The following DHX34 variants were observed in gnomAD, a reference collection of about 807,000 sequenced individuals.
The protein encoded by DHX34 is probable ATP-dependent RNA helicase DHX34.
Under a neutral mutation model 111.1 loss-of-function variants are expected in DHX34, and 96 were observed. The ratio of observed to expected loss-of-function variants is 0.86; its 90% CI spans 0.73 to 1.02. DHX34 has a LOEUF of 1.02. Ranked by LOEUF, DHX34 falls within the 50% of genes least tolerant of loss-of-function variation. The pLI is 0.00. For synonymous variants in DHX34, 688 were observed against 670.4 expected, an observed-to-expected ratio of 1.03 and a Z score of -0.41; for missense variants, 1,560 against 1,579.9, an observed-to-expected ratio of 0.99 and a Z score of 0.21.
chr19:47,376,067 C>T lies in DHX34; in HGVS notation c.2451C>T (p.Ala817=), dbSNP rs776708132. 8 of 1,574,904 alleles carry T rather than the reference C, an allele frequency of 5.1e-6. No homozygotes were observed. Among genetic ancestry groups the T allele is most frequent in the Non-Finnish European group, 5.2e-6 (6 of 1,163,448 alleles). ...ACCCACAGCTGGCCGTCCCCGACGC[C>T]TTCAACAGCAGCCGAAAGGACTCAG... ...GLYPQLAVPD[A]FNSSRKDSDQ... The change falls in exon 11 of 17, where the codon GCC becomes GCT. Residue 817 remains alanine, a synonymous_variant. Coordinates refer to ENST00000328771, the MANE Select transcript of DHX34 (RefSeq NM_014681.6).
chr19:47,361,765 T>TC (rs1294892760), intron 5 of DHX34, among the ~76,000 whole-genome samples: 1 of 151,658 alleles, frequency 6.6e-6, no homozygotes, highest in East Asian at 1.9e-4. Flanking sequence ...AGAGTGAAAC[T>TC]CCATCTCAAA....
In DHX34 at chr19:47,376,499, T is replaced by C. The variant is rs775871256; in HGVS notation, c.2538T>C (p.Ala846=). 6.9e-6 allele frequency: 11 copies of C among 1,604,970 alleles called. No individual in the cohort carries two copies. The highest frequency in any genetic ancestry group is 8.5e-6 in the Non-Finnish European group (10 of 1,176,278). ...TGCTGCACCCCACCTGCGTCTTCGC[T>C]GGCAGCCCCGAGGTGCTGCACGCAC... is the stretch of plus-strand genomic sequence containing the variant. ...GAVLHPTCVF[A]GSPEVLHAQE... Residue 846 remains alanine, a synonymous_variant, in exon 12 of 17, where the codon GCT becomes GCC. Coordinates refer to ENST00000328771, the MANE Select transcript of DHX34 (RefSeq NM_014681.6).
intron 11 of DHX34, 154 bp downstream of exon 11, chr19:47,376,251 C>T: frequency 1.4e-6 from 2 of 1,430,504 alleles, no homozygotes; most frequent in South Asian, 1.4e-5. Context: ...CATCCCCAGA[C>T]AACCCAGAGT....
At position 47,362,413 on chromosome 19, in the gene DHX34, G is replaced by A. The variant is rs151026907; in HGVS notation, c.1376-63G>A. 4.2e-5 allele frequency: 61 copies of A among 1,436,908 alleles called. No individual in the cohort carries two copies. The African/African-American group carries it at 7.4e-4, about 18-fold the overall frequency. 89.0% of individuals were successfully genotyped at this position (1,436,908 alleles called of 1,614,324 possible). A position where few individuals can be genotyped will look rare whatever the true frequency, so the allele number is the denominator to read the frequency against. On this transcript the variant is annotated intron_variant, in intron 5 of 16. Transcript: ENST00000328771. Reference sequence around the variant, plus strand: ...GGTGTTGGCGAGTGACAAGAGCCAGGCGCGTGGCCAGCTGCACGTGGCTGC... The same window carrying A: ...GGTGTTGGCGAGTGACAAGAGCCAGACGCGTGGCCAGCTGCACGTGGCTGC...
intron 4 of DHX34, among the ~76,000 whole-genome samples, chr19:47,358,505 G>A (rs1201673637): frequency 6.6e-6 from 1 of 151,704 alleles, no homozygotes; most frequent in Non-Finnish European, 1.5e-5. Flanking sequence ...CCAGGCTGGA[G>A]TGCAGTGGCA....
At chr19:47,376,137 A>G (rs768600068) in intron 11 of DHX34, 40 bp downstream of exon 11, 57 of 1,522,186 alleles carry the variant, frequency 3.7e-5, no homozygotes, top group Non-Finnish European at 7.9e-6. Context: ...TTGTCCTCCA[A>G]CACACGAACC....
At chr19:47,354,222 C>A (rs1208723782) in intron 2 of DHX34, among the ~76,000 whole-genome samples, 1 of 152,180 alleles carries the variant, frequency 6.6e-6, no homozygotes, top group African/African-American at 2.4e-5. Context: ...TTCGGCCTCC[C>A]AAAGTTTTGG....
chr19:47,353,616 C>A lies in DHX34; in HGVS notation c.586C>A (p.Pro196Thr). ...CGGCTGTGGCAAGTCCACTCAGGTG[C>A]CCCAGTACCTGCTGGCTGCTGGCTT... Reference protein sequence around the residue: ...DTGCGKSTQVPQYLLAAGFSH... With the variant: ...DTGCGKSTQVTQYLLAAGFSH... The change falls in exon 2 of 17, where the codon CCC becomes ACC. Residue 196 changes from proline to threonine, a missense_variant. By Grantham distance (38) the Pro-to-Thr change is conservative. Coordinates refer to ENST00000328771, the MANE Select transcript of DHX34 (RefSeq NM_014681.6). This position sits in a 1 kb window ranked among gnomAD's most constrained non-coding sequence, Gnocchi z 4.6. 15 of 1,613,222 alleles carry A rather than the reference C, an allele frequency of 9.3e-6. No homozygotes were observed. Among genetic ancestry groups the A allele is most frequent in the Non-Finnish European group, 1.3e-5 (15 of 1,179,974 alleles).
rs760398144 is a variant in DHX34 at position 47,375,715 on chromosome 19, G to T, written c.2307+7G>T. On this transcript the variant is annotated splice_region_variant and intron_variant, in intron 10 of 16. Coordinates refer to ENST00000328771, the MANE Select transcript of DHX34 (RefSeq NM_014681.6). Reference sequence around the variant, plus strand: ...TGATGGCGTGGACATCCAGGTGGGCGCCATGGGCTGTGGGGTGTGGGGGTT... The same window carrying T: ...TGATGGCGTGGACATCCAGGTGGGCTCCATGGGCTGTGGGGTGTGGGGGTT... 6.4e-7 allele frequency: 1 copy of T among 1,561,552 alleles called. No individual in the cohort carries two copies.
At position 47,352,882 on chromosome 19, in the gene DHX34, TG is replaced by T. The variant is rs1225680755; in HGVS notation, c.-148del. On this transcript the variant is annotated 5_prime_UTR_variant, in exon 2 of 17. The change abolishes the stop of an existing upstream ORF in the 5' untranslated region. Transcript: ENST00000328771. ...CACTTTATCATCTGTGGTGGTCCTG[TG>T]CCGTGACCAGGAGGAAAAATTAGCT... 2 of 1,426,084 alleles carry T rather than the reference TG, an allele frequency of 1.4e-6. No homozygotes were observed. The highest frequency in any genetic ancestry group is 2.9e-5 in the African/African-American group (2 of 69,450). 88.3% of individuals were successfully genotyped at this position (1,426,084 alleles called of 1,614,324 possible).
At chr19:47,369,747 G>T (rs2122300698) in intron 7 of DHX34, among the ~76,000 whole-genome samples, 1 of 152,252 alleles carries the variant, frequency 6.6e-6, no homozygotes, top group Admixed American at 6.5e-5. Context: ...TGTCCCTCTG[G>T]CCCTGGGTCA....
chr19:47,356,987 T>C (rs1367692291), intron 3 of DHX34, among the ~76,000 whole-genome samples: 2 of 151,950 alleles, frequency 1.3e-5, no homozygotes, highest in Non-Finnish European at 2.9e-5. Flanking sequence ...AGGGTTTTTG[T>C]TTTTTGTTTT....
chr19:47,373,772 C>T (rs1970046558), intron 9 of DHX34, 72 bp downstream of exon 9: 1 of 1,532,664 alleles, frequency 6.5e-7, no homozygotes, highest in African/African-American at 1.4e-5. Flanking sequence ...CAGAACACTG[C>T]TTCCCCTTCC....
At position 47,382,080 on chromosome 19, in the gene DHX34, A is replaced by G. The variant is rs1408333408; in HGVS notation, c.3399A>G (p.Thr1133=). 1 of 1,614,074 alleles carries G rather than the reference A, an allele frequency of 6.2e-7. No homozygotes were observed. Among genetic ancestry groups the G allele is most frequent in the Non-Finnish European group, 8.5e-7 (1 of 1,180,006 alleles). The part of the protein sequence containing the change: ...ACGKDFLFTP[T]EVLRHRKQHV Reference sequence around the variant, plus strand: ...GGAAGGACTTCCTCTTTACACCCACAGAGGTGCTGCGCCACCGGAAGCAGC... The same window carrying G: ...GGAAGGACTTCCTCTTTACACCCACGGAGGTGCTGCGCCACCGGAAGCAGC... The change falls in exon 17 of 17, where the codon ACA becomes ACG. Residue 1133 remains threonine, a synonymous_variant. Coordinates refer to ENST00000328771, the MANE Select transcript of DHX34 (RefSeq NM_014681.6).
chr19:47,364,514 G>A (rs1969732052), intron 6 of DHX34, among the ~76,000 whole-genome samples: 2 of 152,142 alleles, frequency 1.3e-5, no homozygotes, highest in South Asian at 4.1e-4. Context: ...GGCTGAGGCA[G>A]GAGGATTGCT....
chr19:47,381,207 G>T lies in DHX34; in HGVS notation c.3181G>T (p.Asp1061Tyr), dbSNP rs1235056181. Residue 1061 changes from aspartate to tyrosine, a missense_variant, in exon 16 of 17, where the codon GAC becomes TAC. Coordinates refer to ENST00000328771, the MANE Select transcript of DHX34 (RefSeq NM_014681.6). Reference protein sequence around the residue: ...CLTNDTDLYSDCLRTFWTCPH... With the variant: ...CLTNDTDLYSYCLRTFWTCPH... Reference sequence around the variant, plus strand: ...ACAGAATGACACAGACCTGTACAGCGACTGTCTCCGAACCTTCTGGACCTG... The same window carrying T: ...ACAGAATGACACAGACCTGTACAGCTACTGTCTCCGAACCTTCTGGACCTG... The T allele has an allele frequency of 6.2e-7, 1 of 1,614,028 alleles. No homozygotes were observed. The highest frequency in any genetic ancestry group is 8.5e-7 in the Non-Finnish European group (1 of 1,179,906).
Position 47,360,045 on chromosome 19 carries a change from C to T in DHX34, c.1350C>T (p.Asp450=), listed in dbSNP as rs369222398. 28 of 1,613,876 alleles carry T rather than the reference C, an allele frequency of 1.7e-5. No individual in the cohort carries two copies. Among genetic ancestry groups the T allele is most frequent in the Middle Eastern group, 1.6e-4 (1 of 6,084 alleles). Residue 450 remains aspartate, a synonymous_variant, in exon 5 of 17, where the codon GAC becomes GAT. Coordinates refer to ENST00000328771, the MANE Select transcript of DHX34 (RefSeq NM_014681.6). ...TNIAETSVTI[D]GIRFVVDSGK... is the part of the protein sequence containing the mutation. Reference sequence around the variant, plus strand: ...TTGCTGAGACCTCAGTCACCATTGACGGGATCCGCTTCGTAGTAGATTCCG... The same window carrying T: ...TTGCTGAGACCTCAGTCACCATTGATGGGATCCGCTTCGTAGTAGATTCCG...
In DHX34 at chr19:47,358,032, T is replaced by C. The variant is rs757739030; in HGVS notation, c.1184T>C (p.Leu395Pro). Residue 395 changes from leucine to proline, a missense_variant, in exon 4 of 17, where the codon CTG becomes CCG. By Grantham distance (98) the Leu-to-Pro change is moderately conservative (BLOSUM62 -3). Transcript: ENST00000328771. ...LSGMAEISAV[L>P]EAAQTYASHT... ...GGCATGGCGGAGATCAGCGCCGTGC[T>C]GGAGGCTGCCCAGACCTATGCCAGC... 12 of 1,613,302 alleles carry C rather than the reference T, an allele frequency of 7.4e-6. No homozygotes were observed. In the Admixed American group the frequency reaches 2.0e-4, roughly 27 times the overall value.
chr19:47,380,523 A>AGGG, intron 14 of DHX34, among the ~76,000 whole-genome samples: 1 of 138,520 alleles, frequency 7.2e-6, no homozygotes, highest in Non-Finnish European at 1.5e-5. Context: ...TAGGAGGAGG[A>AGGG]GGGGGGAGGT....
Sources: gnomAD v4.1 joint callset for allele counts (sites outside exome capture counted in the v4.1 genomes callset) on GRCh38, gnomAD v4.1.1 for gene constraint, Gnocchi (gnomAD v3.1) non-coding constraint, MANE v1.5 for transcripts, NCBI Gene and HGNC (gene_info 2026-07-23, HGNC 2026-07-21) for gene names.